SUMF1: variants seen among roughly 807,000 people sequenced by gnomAD.
The protein encoded by SUMF1 is sulfatase modifying factor 1, also known as formylglycine-generating enzyme.
Under a neutral mutation model 47.6 loss-of-function variants are expected in SUMF1, and 48 were observed. That is an observed-to-expected ratio of 1.01 (90% CI 0.80 to 1.28). The LOEUF (loss-of-function observed/expected upper bound fraction) is 1.28. Ranked by LOEUF, SUMF1 falls within the 50% of genes most tolerant of loss-of-function variation. SUMF1 has a pLI of 0.00. For synonymous variants in SUMF1, 230 were observed against 192.1 expected, an observed-to-expected ratio of 1.20 and a Z score of -1.63; for missense variants, 571 against 485.4, an observed-to-expected ratio of 1.18 and a Z score of -1.66.
intron 7 of SUMF1, among the ~76,000 whole-genome samples, chr3:4,389,466 T>C (rs755614297): frequency 6.8e-4 from 103 of 152,290 alleles, no homozygotes; most frequent in Non-Finnish European, 1.2e-3. Flanking sequence ...TCATTGGGGT[T>C]TGCTTAGCTC....
chr3:4,046,269 G>T (rs1057142899), intron 9 of SUMF1, among the ~76,000 whole-genome samples: 4 of 152,126 alleles, frequency 2.6e-5, no homozygotes, highest in Non-Finnish European at 5.9e-5. Flanking sequence ...CTTAGGTTGA[G>T]AAGCTTTCGT....
Position 4,418,112 on chromosome 3 carries a change from T to G in SUMF1, c.623A>C (p.His208Pro). ...ILHRPDHPVLHVSWNDAVAYC... is the reference protein window; with the variant it reads ...ILHRPDHPVLPVSWNDAVAYC... ...GGCAACCGCATCATTCCAGGACACA[T>G]GGAGAACTGGATGATCCGGCCTGGG... The change falls in exon 5 of 9, where the codon CAT (histidine) becomes CCT (proline). Residue 208 changes from histidine (H) to proline (P), a missense_variant. Coordinates refer to ENST00000272902, the MANE Select transcript of SUMF1 (RefSeq NM_182760.4). 1 of 1,613,880 alleles carries G rather than the reference T, an allele frequency of 6.2e-7. No individual in the cohort carries two copies. Among genetic ancestry groups the G allele is most frequent in the Non-Finnish European group, 8.5e-7 (1 of 1,179,892 alleles).
intron 7 of SUMF1, among the ~76,000 whole-genome samples, chr3:4,382,357 T>C (rs1490098300): frequency 8.2e-6 from 1 of 122,298 alleles, no homozygotes. Context: ...CACACACACA[T>C]CCTACCTAAA....
At chr3:4,097,366 A>G (rs1277198118) in intron 8 of SUMF1, among the ~76,000 whole-genome samples, 1 of 152,078 alleles carries the variant, frequency 6.6e-6, no homozygotes, top group African/African-American at 2.4e-5. Flanking sequence ...CAGCCTGGCC[A>G]AGATGGTGAA....
chr3:4,095,938 A>ATTT lies in SUMF1; in HGVS notation c.1015-27196_1015-27194dup, dbSNP rs1343076562. The stretch of plus-strand genomic sequence containing the variant: ...TACAGACACATTTTTTTTCTAATTG[A>ATTT]TTTTTCTCTTCAGTCTTTAAAAATA... On this transcript the variant is annotated intron_variant and NMD_transcript_variant, in intron 8 of 12. Coordinates refer to the SUMF1 transcript ENST00000448413. 2.6e-5 allele frequency among the ~76,000 whole-genome samples: 4 copies of ATTT among 152,122 alleles called. No individual in the cohort carries two copies. In the East Asian group the frequency reaches 7.7e-4, roughly 29 times the overall value.
At chr3:4,202,734 A>G (rs1041791607) in intron 8 of SUMF1, among the ~76,000 whole-genome samples, 6 of 151,968 alleles carry the variant, frequency 3.9e-5, no homozygotes, top group African/African-American at 1.2e-4. Context: ...CTTCCAGTCC[A>G]TGAACTTTTA....
intron 8 of SUMF1, among the ~76,000 whole-genome samples, chr3:4,088,448 C>T (rs79083045): frequency 0.051 from 7,697 of 152,084 alleles, 530 homozygotes; most frequent in East Asian, 0.16. Context: ...TTTATGCAAA[C>T]ATCATCTTAG....
At chr3:4,358,922 G>C (rs1195044966), downstream of SUMF1, among the ~76,000 whole-genome samples, 1 of 152,218 alleles carries the variant, frequency 6.6e-6, no homozygotes, top group Non-Finnish European at 1.5e-5. Context: ...CTGTAATGCT[G>C]GCTGCAAATG....
chr3:4,394,554 T>A (rs183091579), intron 7 of SUMF1, among the ~76,000 whole-genome samples: 109 of 152,232 alleles, frequency 7.2e-4, no homozygotes, highest in Non-Finnish European at 1.2e-3. Flanking sequence ...GGATAACTGT[T>A]AATGTCCCAG....
chr3:4,402,562 G>A (rs1361338592), intron 7 of SUMF1, among the ~76,000 whole-genome samples: 2 of 152,202 alleles, frequency 1.3e-5, no homozygotes, highest in African/African-American at 2.4e-5. Context: ...GCTGACTCCA[G>A]TGCTACAGGG....
At chr3:4,203,671 C>G (rs781017820) in intron 8 of SUMF1, among the ~76,000 whole-genome samples, 5 of 151,808 alleles carry the variant, frequency 3.3e-5, no homozygotes, top group Non-Finnish European at 7.4e-5. Flanking sequence ...TTCCTTCCTT[C>G]CTTTCTTCCT....
chr3:4,255,210 C>T (rs545180497), intron 8 of SUMF1, among the ~76,000 whole-genome samples: 2,267 of 133,812 alleles, frequency 0.017, 96 homozygotes, highest in African/African-American at 0.059. Context: ...CATCAACTAA[C>T]GAGCAAAATC....
intron 7 of SUMF1, among the ~76,000 whole-genome samples, chr3:4,408,511 C>T (rs1445379747): frequency 2.6e-5 from 4 of 152,086 alleles, no homozygotes; most frequent in Non-Finnish European, 5.9e-5. Flanking sequence ...TTATGTTAGC[C>T]TTCAGAAGTC....
intron 4 of SUMF1, 128 bp downstream of exon 4, chr3:4,419,936 C>T: frequency 1.3e-6 from 1 of 789,860 alleles, no homozygotes; most frequent in South Asian, 1.5e-5. Flanking sequence ...ATTTTCCTAC[C>T]AATCAATTAC....
intron 8 of SUMF1, among the ~76,000 whole-genome samples, chr3:4,244,428 C>A (rs1405755118): frequency 6.6e-6 from 1 of 152,198 alleles, no homozygotes; most frequent in Non-Finnish European, 1.5e-5. Context: ...CTGCATCCTT[C>A]AGGAGCACTT....
chr3:4,415,245 ACAG>A (rs1291791121), intron 6 of SUMF1, among the ~76,000 whole-genome samples: 6 of 147,284 alleles, frequency 4.1e-5, no homozygotes, highest in African/African-American at 1.5e-4. Flanking sequence ...AAAAAAAAAA[ACAG>A]ACAGAAAAAT....
chr3:4,440,196 T>C (rs530650931), intron 3 of SUMF1, among the ~76,000 whole-genome samples: 2 of 130,578 alleles, frequency 1.5e-5, no homozygotes, highest in African/African-American at 5.9e-5. Flanking sequence ...GCTGAGATCA[T>C]CACACCACTG....
chr3:4,397,062 T>C (rs974854741), intron 7 of SUMF1, among the ~76,000 whole-genome samples: 1 of 152,242 alleles, frequency 6.6e-6, no homozygotes, highest in East Asian at 1.9e-4. Context: ...AGTAGACTGC[T>C]AGATGGAATT....
intron 8 of SUMF1, among the ~76,000 whole-genome samples, chr3:4,152,981 T>C (rs1436110526): frequency 6.6e-6 from 1 of 151,534 alleles, no homozygotes; most frequent in Non-Finnish European, 1.5e-5. Flanking sequence ...TAAAAGCTAG[T>C]TGTTTGGCAT....
Sources: allele counts gnomAD v4.1 joint callset (sites outside exome capture counted in the v4.1 genomes callset), GRCh38; gene constraint gnomAD v4.1.1; transcripts MANE v1.5; gene names NCBI Gene and HGNC (gene_info 2026-07-23, HGNC 2026-07-21).